Variants in RASGEF1A observed in about 807,000 individuals in gnomAD.
The protein encoded by RASGEF1A is RasGEF domain family member 1A.
Under a neutral mutation model 56.4 loss-of-function variants are expected in RASGEF1A, and 18 were observed. The observed-to-expected ratio is 0.32, with a 90% CI of 0.22 to 0.47. The LOEUF is 0.47. RASGEF1A is among the 20% of genes least tolerant of loss of function. The pLI, the probability that RASGEF1A is intolerant of heterozygous loss-of-function variation, is 1.00. For synonymous variants in RASGEF1A, 245 were observed against 242.6 expected, an observed-to-expected ratio of 1.01 and a Z score of -0.09; for missense variants, 422 against 627.1, an observed-to-expected ratio of 0.67 and a Z score of 3.49.
intron 3 of RASGEF1A, chr10:43,202,742 GC>G: frequency 6.4e-6 from 3 of 466,912 alleles, no homozygotes. Flanking sequence ...GCCAGCCTAG[GC>G]CCCCCACCAC....
intron 1 of RASGEF1A, among the ~76,000 whole-genome samples, chr10:43,227,940 C>T (rs1229916542): frequency 2.0e-5 from 3 of 152,102 alleles, no homozygotes; most frequent in African/African-American, 7.2e-5. Context: ...TCCTTCTCTG[C>T]CATCTCCCAA....
At chr10:43,238,168 C>A (rs549503253) in intron 1 of RASGEF1A, among the ~76,000 whole-genome samples, 660 of 36,906 alleles carry the variant, frequency 0.018, 3 homozygotes, top group Non-Finnish European at 0.03. Flanking sequence ...AACACCTGCC[C>A]CTCAGGAGGG....
intron 1 of RASGEF1A, chr10:43,229,546 C>A: frequency 8.7e-7 from 1 of 1,146,950 alleles, no homozygotes; most frequent in South Asian, 1.4e-5. Context: ...CCGCACGGGT[C>A]GGGATGCAGG....
chr10:43,249,750 C>T (rs1017862108), intron 1 of RASGEF1A, among the ~76,000 whole-genome samples: 22 of 152,312 alleles, frequency 1.4e-4, no homozygotes, highest in African/African-American at 5.1e-4. Context: ...GCTGGGAAGG[C>T]CTGTGGTCAG....
At chr10:43,208,776 G>T in intron 1 of RASGEF1A, 1 of 985,540 alleles carries the variant, frequency 1.0e-6, no homozygotes, top group Non-Finnish European at 1.2e-6. Context: ...ACCTAGCAGG[G>T]CCCACCCTGC....
At chr10:43,245,526 C>A (rs1840558205) in intron 1 of RASGEF1A, among the ~76,000 whole-genome samples, 1 of 152,140 alleles carries the variant, frequency 6.6e-6, no homozygotes. Context: ...TGCAAAACTC[C>A]TCAACAAAAT....
At chr10:43,231,934 C>G (rs1326936514) in intron 1 of RASGEF1A, among the ~76,000 whole-genome samples, 2 of 152,236 alleles carry the variant, frequency 1.3e-5, no homozygotes, top group Non-Finnish European at 2.9e-5. Context: ...TTCAGGGAGA[C>G]CAGACACACA....
chr10:43,200,938 C>T (rs752259989), intron 4 of RASGEF1A, 50 bp from the exon 5 acceptor site: 1 of 1,527,368 alleles, frequency 6.5e-7, no homozygotes, highest in Non-Finnish European at 9.0e-7. Context: ...GCAGCAAGGC[C>T]ACCACCACTG....
chr10:43,202,029 C>G, intron 3 of RASGEF1A, 84 bp from the exon 4 acceptor site: 1 of 1,408,112 alleles, frequency 7.1e-7, no homozygotes, highest in Non-Finnish European at 9.5e-7. Flanking sequence ...TCCCACATCC[C>G]CAAGCCACAC....
chr10:43,227,233 T>G (rs1309470077), intron 1 of RASGEF1A, among the ~76,000 whole-genome samples: 1 of 152,270 alleles, frequency 6.6e-6, no homozygotes, highest in South Asian at 2.1e-4. Context: ...TCAATCCTCA[T>G]GCATCCCACC....
Position 43,207,675 on chromosome 10 carries a change from C to T in RASGEF1A, c.-6-1553G>A, listed in dbSNP as rs925305406. 9 of 985,414 alleles carry T rather than the reference C, an allele frequency of 9.1e-6. No homozygotes were observed. In the African/African-American group the frequency reaches 1.4e-4, roughly 15 times the overall value. The allele number at this position is 985,414 out of a possible 1,614,324, so 61.0% of individuals were successfully genotyped here. On this transcript the variant is annotated intron_variant, in intron 1 of 12. Transcript: ENST00000395810. ...GGTCATGGCTCAGACTCATACAATG[C>T]TCCCTTCAAACTCAGGCCAGCAGCG...
intron 1 of RASGEF1A, among the ~76,000 whole-genome samples, chr10:43,246,689 A>T (rs1435809192): frequency 6.6e-6 from 1 of 152,232 alleles, no homozygotes; most frequent in Non-Finnish European, 1.5e-5. Context: ...TCTCTTCAAC[A>T]AATAGTGCTG....
At chr10:43,242,319 C>A (rs11528481) in intron 1 of RASGEF1A, among the ~76,000 whole-genome samples, 25,332 of 152,058 alleles carry the variant, frequency 0.17, 2,724 homozygotes, top group East Asian at 0.51. Context: ...CAAGATATAA[C>A]AATTACAAAC....
chr10:43,197,758 T>C (rs1839823322), intron 10 of RASGEF1A, among the ~76,000 whole-genome samples: 1 of 152,112 alleles, frequency 6.6e-6, no homozygotes. Flanking sequence ...CCTGGATAAA[T>C]ACAATTCCCT....
intron 1 of RASGEF1A, chr10:43,206,782 G>A (rs999706137): frequency 3.0e-6 from 3 of 986,124 alleles, no homozygotes; most frequent in Admixed American, 1.2e-4. Flanking sequence ...TCCACATGGT[G>A]AAGGTCTTGG....
chr10:43,217,835 C>G (rs1382924549), intron 1 of RASGEF1A, among the ~76,000 whole-genome samples: 2 of 152,254 alleles, frequency 1.3e-5, no homozygotes, highest in African/African-American at 4.8e-5. Flanking sequence ...CCAGCCAACA[C>G]TCAGATGTCC....
intron 1 of RASGEF1A, among the ~76,000 whole-genome samples, chr10:43,263,424 G>A (rs976602975): frequency 8.5e-5 from 13 of 152,156 alleles, no homozygotes; most frequent in South Asian, 2.1e-4. Context: ...GGGTGCGGAC[G>A]GCTGAGCAAG....
intron 1 of RASGEF1A, among the ~76,000 whole-genome samples, chr10:43,244,112 G>C (rs542452444): frequency 6.6e-6 from 1 of 152,178 alleles, no homozygotes; most frequent in Non-Finnish European, 1.5e-5. Flanking sequence ...TCTGAAACAT[G>C]TGCTGTGTCA....
chr10:43,211,280 TTTACTTGGC>T (rs1481061467), intron 1 of RASGEF1A, among the ~76,000 whole-genome samples: 1 of 152,180 alleles, frequency 6.6e-6, no homozygotes, highest in Admixed American at 6.5e-5. Flanking sequence ...CATACCTGGC[TTTACTTGGC>T]TCTCTGGGGG....
Sources: allele counts gnomAD v4.1 joint callset (sites outside exome capture counted in the v4.1 genomes callset), GRCh38; gene constraint gnomAD v4.1.1; transcripts MANE v1.5; gene names NCBI Gene and HGNC (gene_info 2026-07-23, HGNC 2026-07-21).